The following PARVB variants were observed in gnomAD, a reference collection of about 807,000 sequenced individuals.
PARVB encodes beta-parvin.
A neutral mutation model predicts 47.0 loss-of-function variants in PARVB; 46 were observed. The ratio of observed to expected loss-of-function variants is 0.98; its 90% CI spans 0.77 to 1.25. The LOEUF is 1.25. PARVB is among the 50% of genes most tolerant of loss of function. The pLI is 0.00. For synonymous variants in PARVB, 196 were observed against 196.3 expected, an observed-to-expected ratio of 1.00 and a Z score of 0.01; for missense variants, 473 against 471.6, an observed-to-expected ratio of 1.00 and a Z score of -0.03.
At chr22:44,074,395 G>A (rs2051721777) in intron 1 of PARVB, among the ~76,000 whole-genome samples, 1 of 152,230 alleles carries the variant, frequency 6.6e-6, no homozygotes, top group South Asian at 2.1e-4. Context: ...ACAGGATGCT[G>A]GCTACATGCT....
intron 2 of PARVB, among the ~76,000 whole-genome samples, chr22:44,005,146 C>G (rs2050451057): frequency 6.6e-6 from 1 of 152,194 alleles, no homozygotes; most frequent in Admixed American, 6.5e-5. Flanking sequence ...GTCACCCAGG[C>G]TGGAGTGCAG....
At chr22:44,156,628 G>A (rs1220293515) in intron 10 of PARVB, among the ~76,000 whole-genome samples, 2 of 152,104 alleles carry the variant, frequency 1.3e-5, no homozygotes, top group African/African-American at 2.4e-5. Flanking sequence ...TCTGGAGATT[G>A]TTTGTACAAT....
chr22:44,090,230 G>A (rs1033265699), intron 1 of PARVB, among the ~76,000 whole-genome samples: 1 of 152,234 alleles, frequency 6.6e-6, no homozygotes, highest in Non-Finnish European at 1.5e-5. Context: ...GGCAATGCGA[G>A]ATTTGGACTG....
At chr22:44,091,493 C>G (rs989731035) in intron 1 of PARVB, among the ~76,000 whole-genome samples, 1 of 152,046 alleles carries the variant, frequency 6.6e-6, no homozygotes, top group Non-Finnish European at 1.5e-5. Flanking sequence ...CTACTTCCCC[C>G]GCCCCTGGCA....
At chr22:44,003,554 C>T (rs1355155452) in intron 2 of PARVB, among the ~76,000 whole-genome samples, 3 of 152,130 alleles carry the variant, frequency 2.0e-5, no homozygotes, top group Non-Finnish European at 2.9e-5. Flanking sequence ...GCGGCAGCCA[C>T]GCCAGGACTG....
chr22:44,106,883 C>G (rs1248968623), intron 3 of PARVB: 1 of 152,024 alleles, frequency 6.6e-6, no homozygotes, highest in Non-Finnish European at 1.5e-5. Context: ...TGTCTCTGAG[C>G]ATTGATTATA....
At chr22:44,004,834 C>G (rs2050448167) in intron 2 of PARVB, among the ~76,000 whole-genome samples, 1 of 152,204 alleles carries the variant, frequency 6.6e-6, no homozygotes, top group African/African-American at 2.4e-5. Flanking sequence ...TGAGCATGCA[C>G]TGCTTTTGTC....
At chr22:44,020,694 G>A (rs1042853802), upstream of PARVB, among the ~76,000 whole-genome samples, 1 of 152,142 alleles carries the variant, frequency 6.6e-6, no homozygotes, top group African/African-American at 2.4e-5. Context: ...GATGGAGGAG[G>A]GGCATTAAGC....
At chr22:44,148,112 C>T (rs1428111569) in intron 9 of PARVB, 190 bp downstream of exon 9, 5 of 610,322 alleles carry the variant, frequency 8.2e-6, no homozygotes, top group African/African-American at 3.6e-5. Context: ...AACTCAACCT[C>T]GCTGCTCCCT....
chr22:44,085,451 C>T (rs1459009818), intron 1 of PARVB, among the ~76,000 whole-genome samples: 1 of 152,140 alleles, frequency 6.6e-6, no homozygotes, highest in Non-Finnish European at 1.5e-5. Flanking sequence ...ACTACAGATT[C>T]ACACCACCAT....
At chr22:44,148,076 C>T (rs572891268) in intron 9 of PARVB, 154 bp downstream of exon 9, 2 of 676,542 alleles carry the variant, frequency 3.0e-6, no homozygotes, top group African/African-American at 1.8e-5. Flanking sequence ...AAAACCTAAC[C>T]ACAGTGCATA....
chr22:44,150,172 A>AAAACG (rs757258731), intron 9 of PARVB: 4 of 44,052 alleles, frequency 9.1e-5, no homozygotes, highest in African/African-American at 4.0e-4. Context: ...AAAACGAAAC[A>AAAACG]AAACAAAACA....
At chr22:44,055,782 A>G (rs1359658449) in intron 1 of PARVB, among the ~76,000 whole-genome samples, 1 of 152,138 alleles carries the variant, frequency 6.6e-6, no homozygotes, top group Non-Finnish European at 1.5e-5. Context: ...AGGAGGGCCA[A>G]TGGCGTCAGC....
At chr22:44,102,432 C>G (rs1456543844) in intron 3 of PARVB, among the ~76,000 whole-genome samples, 1 of 152,096 alleles carries the variant, frequency 6.6e-6, no homozygotes, top group East Asian at 1.9e-4. Flanking sequence ...AGATTTTTTT[C>G]TTTGATTTTT....
chr22:43,999,514 A>G (rs993524722), intron 1 of PARVB: 2 of 1,563,584 alleles, frequency 1.3e-6, no homozygotes, highest in Non-Finnish European at 1.8e-6. Context: ...CAAACAAAAA[A>G]TGTTCATTCC....
chr22:44,041,845 A>C (rs1403126749), intron 1 of PARVB, among the ~76,000 whole-genome samples: 1 of 152,176 alleles, frequency 6.6e-6, no homozygotes, highest in East Asian at 1.9e-4. Context: ...AGATTGCACC[A>C]CTACATTCCA....
At chr22:44,039,291 C>T (rs2050975822) in intron 1 of PARVB, among the ~76,000 whole-genome samples, 1 of 152,156 alleles carries the variant, frequency 6.6e-6, no homozygotes, top group African/African-American at 2.4e-5. Flanking sequence ...TGGCTCATTC[C>T]TGTAATCCCA....
At chr22:44,016,088 T>C (rs2050573914) in intron 2 of PARVB, among the ~76,000 whole-genome samples, 1 of 108,536 alleles carries the variant, frequency 9.2e-6, no homozygotes, top group Non-Finnish European at 1.7e-5. Context: ...TTTCTTTTTC[T>C]TTCTTTCTTT....
rs1466308776 is a variant in PARVB at position 44,015,913 on chromosome 22, C to T, written c.211+16240C>T. 4.6e-5 allele frequency among the ~76,000 whole-genome samples: 7 copies of T among 152,138 alleles called. No individual in the cohort carries two copies. In the East Asian group the frequency reaches 7.7e-4, roughly 17 times the overall value. On this transcript the variant is annotated intron_variant, in intron 2 of 13. Coordinates refer to the PARVB transcript ENST00000406477. ...ACACCTAGCTCTAACCAGTTTTTCA[C>T]GCCTTATACAAATGGCACACCTGGC...
Sources: gnomAD v4.1 joint callset for allele counts (sites outside exome capture counted in the v4.1 genomes callset) on GRCh38, gnomAD v4.1.1 for gene constraint, MANE v1.5 for transcripts, NCBI Gene and HGNC (gene_info 2026-07-23, HGNC 2026-07-21) for gene names.